Variants in SHISA9 observed in about 807,000 individuals in gnomAD.
SHISA9 encodes shisa family member 9.
SHISA9 carries 13 observed loss-of-function variants against 38.0 expected under a neutral mutation model. That is an observed-to-expected ratio of 0.34 (90% CI 0.22 to 0.54). The LOEUF is 0.54. SHISA9 is among the 20% of genes least tolerant of loss of function. The probability of loss-of-function intolerance (pLI) is 0.91; values close to 1 mark genes in which losing one functional copy is unlikely to be tolerated. For missense variants in SHISA9, 538 were observed against 575.8 expected (o/e 0.93, Z 0.67); for synonymous variants, 275 against 242.0 (o/e 1.14, Z -1.27).
chr16:12,990,788 TG>T (rs1286226949), intron 2 of SHISA9, among the ~76,000 whole-genome samples: 9 of 152,204 alleles, frequency 5.9e-5, no homozygotes, highest in African/African-American at 2.2e-4. Flanking sequence ...TCAATTGTAC[TG>T]TGGTTGAGAA....
At chr16:12,950,678 G>A (rs1390930206) in intron 2 of SHISA9, among the ~76,000 whole-genome samples, 1 of 151,204 alleles carries the variant, frequency 6.6e-6, no homozygotes, top group Non-Finnish European at 1.5e-5. Context: ...GCATGATCTC[G>A]GCTCACTGCA....
At chr16:13,075,311 T>A (rs1296723553) in intron 2 of SHISA9, among the ~76,000 whole-genome samples, 2 of 152,196 alleles carry the variant, frequency 1.3e-5, no homozygotes, top group South Asian at 2.1e-4. Flanking sequence ...CATGTTGTGA[T>A]CTCTAGCACC....
intron 2 of SHISA9, among the ~76,000 whole-genome samples, chr16:12,919,620 A>AG (rs1406245594): frequency 6.6e-6 from 1 of 151,846 alleles, no homozygotes; most frequent in East Asian, 1.9e-4. Context: ...ATATTTGGGA[A>AG]GAGGGCCATG....
At chr16:13,139,401 C>CCTTCCTTCCTTCTTTT (rs2050379337) in intron 2 of SHISA9, among the ~76,000 whole-genome samples, 1 of 109,670 alleles carries the variant, frequency 9.1e-6, no homozygotes, top group African/African-American at 3.9e-5. Context: ...TTCTTTCCTT[C>CCTTCCTTCCTTCTTTT]CTTCCTTCCT....
the SHISA9 span, chr16:13,331,679 G>A: frequency 2.0e-5 from 3 of 152,088 alleles, no homozygotes. Flanking sequence ...TTTCTTGTCT[G>A]TAATTCCAAA....
chr16:12,949,058 G>C (rs772610734), intron 2 of SHISA9, among the ~76,000 whole-genome samples: 5 of 152,116 alleles, frequency 3.3e-5, no homozygotes, highest in Non-Finnish European at 5.9e-5. Context: ...GGTAGGATGA[G>C]ATAATGGCAA....
chr16:12,977,229 G>C (rs1042079295), intron 2 of SHISA9, among the ~76,000 whole-genome samples: 13 of 152,128 alleles, frequency 8.5e-5, no homozygotes, highest in African/African-American at 2.7e-4. Flanking sequence ...AGTAGGCACT[G>C]GGGTTGCGTA....
chr16:13,432,651 T>G, the SHISA9 span, among the ~76,000 whole-genome samples: 1 of 152,186 alleles, frequency 6.6e-6, no homozygotes, highest in Non-Finnish European at 1.5e-5. Context: ...GGACCTACTA[T>G]GTTCAAAGCA....
Position 13,043,043 on chromosome 16 carries a change from G to A in SHISA9, c.691+126228G>A, listed in dbSNP as rs907364456. Among the ~76,000 whole-genome samples, 4 of 152,130 alleles carry A rather than the reference G, an allele frequency of 2.6e-5. No individual in the cohort carries two copies. The South Asian group carries it at 6.2e-4, about 24-fold the overall frequency. ...TTTGCATTCACATAAAGTTCAATTC[G>A]GGGTGCCTGGACAGCAGTTGGAGGG... On this transcript the variant is annotated intron_variant, in intron 2 of 4. Transcript: ENST00000558583.
the SHISA9 span, among the ~76,000 whole-genome samples, chr16:13,503,092 TA>T: frequency 6.6e-6 from 1 of 152,092 alleles, no homozygotes; most frequent in Admixed American, 6.5e-5. Context: ...GAAGGATGAA[TA>T]AAAACCTGCC....
At chr16:12,904,809 C>G (rs2071071185) in intron 1 of SHISA9, among the ~76,000 whole-genome samples, 1 of 152,146 alleles carries the variant, frequency 6.6e-6, no homozygotes, top group South Asian at 2.1e-4. Flanking sequence ...ATCCTGTCAC[C>G]AGGGGTCCCA....
chr16:13,139,727 T>A (rs1031308485), intron 2 of SHISA9, among the ~76,000 whole-genome samples: 49 of 152,224 alleles, frequency 3.2e-4, no homozygotes, highest in Middle Eastern at 3.4e-3. Context: ...CCATCTGAGG[T>A]GGACATTTTG....
At chr16:12,997,800 C>G (rs1009556351) in intron 2 of SHISA9, among the ~76,000 whole-genome samples, 25 of 152,198 alleles carry the variant, frequency 1.6e-4, no homozygotes, top group African/African-American at 5.5e-4. Context: ...ATGGTGCTCA[C>G]TCACTGAGGC....
the SHISA9 span, among the ~76,000 whole-genome samples, chr16:13,252,176 T>C: frequency 1.3e-5 from 2 of 152,180 alleles, no homozygotes; most frequent in African/African-American, 2.4e-5. Context: ...GCCTTCCTGT[T>C]GTACTACTCA....
the SHISA9 span, among the ~76,000 whole-genome samples, chr16:13,464,197 G>C: frequency 2.6e-3 from 396 of 152,330 alleles, 2 homozygotes; most frequent in Admixed American, 3.7e-3. Flanking sequence ...TTCCAGGTAA[G>C]TGTGCTACCT....
the SHISA9 span, among the ~76,000 whole-genome samples, chr16:13,372,616 T>C: frequency 3.3e-5 from 5 of 152,234 alleles, no homozygotes; most frequent in African/African-American, 1.2e-4. Flanking sequence ...TGAAACAGGC[T>C]CTGGTTAGCT....
At chr16:13,556,363 C>T in the SHISA9 span, among the ~76,000 whole-genome samples, 2 of 152,140 alleles carry the variant, frequency 1.3e-5, no homozygotes, top group South Asian at 2.1e-4. Context: ...GAGTTCCATG[C>T]CTTAACTAGT....
At chr16:13,476,744 T>G in the SHISA9 span, among the ~76,000 whole-genome samples, 3 of 109,702 alleles carry the variant, frequency 2.7e-5, no homozygotes, top group East Asian at 3.5e-4. Context: ...TTGTGTTTTT[T>G]TTTTTTTTTT....
chr16:12,928,832 AG>A (rs953365670), intron 2 of SHISA9, among the ~76,000 whole-genome samples: 15 of 152,210 alleles, frequency 9.9e-5, no homozygotes, highest in African/African-American at 3.6e-4. Flanking sequence ...ATCAAGTCAA[AG>A]AATGTCATCA....
Sources: allele counts gnomAD v4.1 joint callset (sites outside exome capture counted in the v4.1 genomes callset), GRCh38; gene constraint gnomAD v4.1.1; transcripts MANE v1.5; gene names NCBI Gene and HGNC (gene_info 2026-07-23, HGNC 2026-07-21).